Variants in SMCP observed in about 807,000 individuals in gnomAD.
SMCP encodes the protein sperm mitochondria associated cysteine rich protein.
For synonymous variants in SMCP, 41 were observed against 46.9 expected, an observed-to-expected ratio of 0.87 and a Z score of 0.51; for missense variants, 137 against 137.1, an observed-to-expected ratio of 1.00 and a Z score of 0.01.
chr1:152,880,151 A>G (rs1648989871), intron 1 of SMCP, among the ~76,000 whole-genome samples: 1 of 152,142 alleles, frequency 6.6e-6, no homozygotes, highest in South Asian at 2.1e-4. Context: ...AAAAGGCAAA[A>G]ATAAACACAG....
chr1:152,881,629 A>G (rs61814548), intron 1 of SMCP, among the ~76,000 whole-genome samples: 2 of 148,716 alleles, frequency 1.3e-5, no homozygotes, highest in Non-Finnish European at 3.0e-5. Context: ...CGGAGCTTGC[A>G]GTGAGCCGAG....
At chr1:152,879,274 G>A (rs1430116089) in intron 1 of SMCP, among the ~76,000 whole-genome samples, 1 of 152,220 alleles carries the variant, frequency 6.6e-6, no homozygotes, top group Non-Finnish European at 1.5e-5. Flanking sequence ...AGGCTGGAGT[G>A]CAGTGGTGAG....
intron 1 of SMCP, among the ~76,000 whole-genome samples, chr1:152,878,886 A>G (rs1302995586): frequency 6.6e-6 from 1 of 152,202 alleles, no homozygotes; most frequent in Non-Finnish European, 1.5e-5. Flanking sequence ...AGGGTGGTTT[A>G]AGCTGGGAAA....
chr1:152,881,050 G>A (rs58528923), intron 1 of SMCP, among the ~76,000 whole-genome samples: 972 of 11,894 alleles, frequency 0.082, 11 homozygotes, highest in African/African-American at 0.2. Context: ...GAGAGTCTGC[G>A]CTGGGGCTGG....
chr1:152,883,647 C>A (rs985019313), intron 1 of SMCP, among the ~76,000 whole-genome samples: 1 of 152,188 alleles, frequency 6.6e-6, no homozygotes, highest in Non-Finnish European at 1.5e-5. Context: ...TCCTCACCCC[C>A]ACCACTGCCC....
intron 1 of SMCP, among the ~76,000 whole-genome samples, chr1:152,880,177 A>G (rs988094984): frequency 1.3e-5 from 2 of 152,168 alleles, no homozygotes; most frequent in African/African-American, 4.8e-5. Context: ...AACAACAGAA[A>G]ATAAAAACAG....
chr1:152,881,787 G>T (rs1570900999), intron 1 of SMCP, among the ~76,000 whole-genome samples: 1 of 152,046 alleles, frequency 6.6e-6, no homozygotes, highest in Non-Finnish European at 1.5e-5. Flanking sequence ...GTCTGAGAAG[G>T]CCTCAGGAAA....
chr1:152,884,945 A>C lies in SMCP; in HGVS notation c.*172A>C. The C allele has an allele frequency of 1.6e-6, 1 of 629,700 alleles. No individual in the cohort carries two copies. The highest frequency in any genetic ancestry group is 2.8e-6 in the Non-Finnish European group (1 of 356,006). The allele number at this position is 629,700 out of a possible 1,614,324, so 39.0% of individuals were successfully genotyped here. On this transcript the variant is annotated 3_prime_UTR_variant, in exon 2 of 2. Transcript: ENST00000368765. Reference sequence around the variant, plus strand: ...ATTTCCCATCATAGCTCCCTACCCTAGGGAGGCCTCCATCTGGAAATGGGA... The same window carrying C: ...ATTTCCCATCATAGCTCCCTACCCTCGGGAGGCCTCCATCTGGAAATGGGA...
chr1:152,881,315 G>T (rs1268030661), intron 1 of SMCP, among the ~76,000 whole-genome samples: 1 of 152,284 alleles, frequency 6.6e-6, no homozygotes, highest in Admixed American at 6.5e-5. Context: ...CCTGACTGGA[G>T]AATCCTGCAC....
chr1:152,880,549 A>G (rs1649001432), intron 1 of SMCP, among the ~76,000 whole-genome samples: 1 of 152,068 alleles, frequency 6.6e-6, no homozygotes, highest in Non-Finnish European at 1.5e-5. Flanking sequence ...CGGGCAAGTC[A>G]AGGCATCGCA....
intron 1 of SMCP, among the ~76,000 whole-genome samples, chr1:152,879,432 G>T (rs866831497): frequency 5.3e-5 from 8 of 152,248 alleles, no homozygotes; most frequent in East Asian, 1.9e-4. Context: ...TGTTGGCCAG[G>T]CTGGTCTCAA....
At chr1:152,884,014 G>T (rs191388621) in intron 1 of SMCP, among the ~76,000 whole-genome samples, 3 of 152,310 alleles carry the variant, frequency 2.0e-5, no homozygotes, top group Admixed American at 2.0e-4. Flanking sequence ...CATATGAAGT[G>T]AAGTGGACTA....
Position 152,884,697 on chromosome 1 carries a change from C to T in SMCP, c.275C>T (p.Pro92Leu), listed in dbSNP as rs764542126. 1.2e-5 allele frequency: 20 copies of T among 1,614,088 alleles called. No individual in the cohort carries two copies. The highest frequency in any genetic ancestry group is 1.2e-4 in the African/African-American group (9 of 74,916). ...PLNMESEPNS[P>L]QTQDKGCQTQ... ...AACATGGAGTCTGAGCCCAACTCACCGCAAACTCAGGACAAGGGCTGTCAA... is the reference window on the plus strand; with the variant it reads ...AACATGGAGTCTGAGCCCAACTCACTGCAAACTCAGGACAAGGGCTGTCAA... The change falls in exon 2 of 2, where the codon CCG (proline) becomes CTG (leucine). Residue 92 changes from proline to leucine, a missense_variant. Coordinates refer to ENST00000368765, the MANE Select transcript of SMCP (RefSeq NM_030663.3).
chr1:152,882,448 A>G (rs4845494), intron 1 of SMCP, among the ~76,000 whole-genome samples: 18,025 of 152,126 alleles, frequency 0.12, 2,678 homozygotes, highest in East Asian at 0.52. Context: ...AGGATAGGAT[A>G]GAGGGCAAGT....
chr1:152,884,854 G>T lies in SMCP; in HGVS notation c.*81G>T. 1.6e-6 allele frequency: 2 copies of T among 1,274,586 alleles called. No individual in the cohort carries two copies. Among genetic ancestry groups the T allele is most frequent in the Admixed American group, 2.3e-5 (1 of 44,366 alleles). The allele number at this position is 1,274,586 out of a possible 1,614,324, so 79.0% of individuals were successfully genotyped here. A position where few individuals can be genotyped will look rare whatever the true frequency, so the allele number is the denominator to read the frequency against. On this transcript the variant is annotated 3_prime_UTR_variant, in exon 2 of 2. Coordinates refer to ENST00000368765, the MANE Select transcript of SMCP (RefSeq NM_030663.3). The stretch of plus-strand genomic sequence containing the variant: ...AGGGTGGGGGATTACTGAGAGTCAG[G>T]CTAGACCTGTGTTTAGAGAAGCAGT...
intron 1 of SMCP, among the ~76,000 whole-genome samples, chr1:152,881,857 A>G (rs1423000739): frequency 1.3e-5 from 2 of 152,248 alleles, no homozygotes; most frequent in Admixed American, 6.5e-5. Context: ...GGGAGAGAGA[A>G]GTAAGAACAG....
chr1:152,884,278 CT>C, intron 1 of SMCP, 124 bp from the exon 2 acceptor site: 1 of 847,890 alleles, frequency 1.2e-6, no homozygotes, highest in South Asian at 1.8e-5. Context: ...GGATCCAGCT[CT>C]GCTTTCTCAA....
rs747166815 is a variant in SMCP, at chr1:152,884,615, T to A, written c.193T>A (p.Cys65Ser). The A allele has an allele frequency of 6.2e-7, 1 of 1,614,100 alleles. No homozygotes were observed. The highest frequency in any genetic ancestry group is 1.1e-5 in the South Asian group (1 of 91,066). Residue 65 changes from cysteine to serine, a missense_variant, in exon 2 of 2, where the codon TGC (cysteine) becomes AGC (serine). By Grantham distance (112) the Cys-to-Ser change is moderately radical. Coordinates refer to ENST00000368765, the MANE Select transcript of SMCP (RefSeq NM_030663.3). Reference sequence around the variant, plus strand: ...TCACTGCTGCCAGCCAAAACCCCCATGCTGCATTCAGGCCAGGTGCTGTGG... The same window carrying A: ...TCACTGCTGCCAGCCAAAACCCCCAAGCTGCATTCAGGCCAGGTGCTGTGG... ...HNHCCQPKPP[C>S]CIQARCCGLE...
intron 1 of SMCP, among the ~76,000 whole-genome samples, chr1:152,881,723 C>T (rs1649060188): frequency 2.0e-5 from 3 of 148,170 alleles, no homozygotes. Context: ...AGATACTACC[C>T]AAGACTGGAT....
Sources: gnomAD v4.1 joint callset for allele counts (sites outside exome capture counted in the v4.1 genomes callset) on GRCh38, gnomAD v4.1.1 for gene constraint, MANE v1.5 for transcripts, NCBI Gene and HGNC (gene_info 2026-07-23, HGNC 2026-07-21) for gene names.